The following DPP10 variants were observed in gnomAD, a reference collection of about 807,000 sequenced individuals.
DPP10 encodes the protein dipeptidyl peptidase like 10.
Under a neutral mutation model 120.9 loss-of-function variants are expected in DPP10, and 33 were observed. The observed-to-expected ratio is 0.27, with a 90% CI of 0.21 to 0.37. The LOEUF is 0.37. Among genes scored for constraint, DPP10 ranks in the 10% least tolerant of loss-of-function variants. The pLI, the probability that DPP10 is intolerant of heterozygous loss-of-function variation, is 1.00. For synonymous variants in DPP10, 337 were observed against 326.1 expected, an observed-to-expected ratio of 1.03 and a Z score of -0.36; for missense variants, 816 against 942.8, an observed-to-expected ratio of 0.87 and a Z score of 1.76.
At chr2:114,922,990 C>A (rs2420454) in intron 1 of DPP10, among the ~76,000 whole-genome samples, 148,849 of 152,212 alleles carry the variant, frequency 0.98, 72,867 homozygotes, top group East Asian at 1. Flanking sequence ...TGGCATCATT[C>A]ATGAGTATAT....
At chr2:114,925,312 T>G (rs1695541614) in intron 1 of DPP10, among the ~76,000 whole-genome samples, 2 of 151,882 alleles carry the variant, frequency 1.3e-5, no homozygotes, top group South Asian at 4.2e-4. Context: ...GTAATGATGA[T>G]GCTGTTGGTC....
intron 3 of DPP10, among the ~76,000 whole-genome samples, chr2:115,403,381 CTTTTTTTTTTTTTTTTTTT>C (rs78116780): frequency 1.0e-3 from 124 of 118,470 alleles, no homozygotes; most frequent in African/African-American, 4.1e-3. Context: ...TTCTTTCCTT[CTTTTTTTTTTTTTTTTTTT>C]TTTTTTTTTT....
At chr2:115,760,091 CAT>C (rs533494131) in intron 11 of DPP10, among the ~76,000 whole-genome samples, 37 of 151,642 alleles carry the variant, frequency 2.4e-4, no homozygotes, top group Admixed American at 9.2e-4. Flanking sequence ...GAAATGAAAA[CAT>C]GTGTTCACCA....
intron 1 of DPP10, among the ~76,000 whole-genome samples, chr2:115,265,098 A>G (rs200037807): frequency 6.6e-6 from 1 of 152,210 alleles, no homozygotes; most frequent in South Asian, 2.1e-4. Flanking sequence ...TTGAAACATA[A>G]CAGCCATTGT....
chr2:115,521,040 A>C (rs1285653483), intron 4 of DPP10, among the ~76,000 whole-genome samples: 1 of 152,242 alleles, frequency 6.6e-6, no homozygotes, highest in Non-Finnish European at 1.5e-5. Context: ...ACTTGAGCTA[A>C]GAAGGACAGG....
In DPP10 at chr2:115,670,937, G is replaced by A. The variant is rs76217779; in HGVS notation, c.442-18750G>A. Among the ~76,000 whole-genome samples, 1,340 of 152,096 alleles carry A rather than the reference G, an allele frequency of 8.8e-3. 18 individuals are homozygous for A. Among genetic ancestry groups the A allele is most frequent in the African/African-American group, 0.028 (1,164 of 41,514 alleles). ...GAGTCACATGAGTTTTCATGTTTTA[G>A]AGAAACTATTGGAAAAAAATTGTTA... On this transcript the variant is annotated intron_variant, in intron 5 of 25. Coordinates refer to ENST00000410059, the MANE Select transcript of DPP10 (RefSeq NM_020868.6).
chr2:115,699,094 A>G (rs1330556579), intron 7 of DPP10, among the ~76,000 whole-genome samples: 1 of 149,262 alleles, frequency 6.7e-6, no homozygotes, highest in African/African-American at 2.4e-5. Flanking sequence ...AAGTGGGGAT[A>G]TTATGACCGT....
At chr2:115,662,521 G>A (rs974135261) in intron 5 of DPP10, among the ~76,000 whole-genome samples, 1 of 151,560 alleles carries the variant, frequency 6.6e-6, no homozygotes, top group African/African-American at 2.4e-5. Context: ...AATAGCAAAC[G>A]GGTATATGAA....
chr2:114,963,974 G>A (rs909124572), intron 1 of DPP10, among the ~76,000 whole-genome samples: 2 of 152,178 alleles, frequency 1.3e-5, no homozygotes, highest in Admixed American at 6.5e-5. Context: ...CTTCCATGGG[G>A]ATAGAAGGAG....
At chr2:115,716,992 TG>T (rs1003573584) in intron 7 of DPP10, among the ~76,000 whole-genome samples, 26 of 152,374 alleles carry the variant, frequency 1.7e-4, no homozygotes, top group Non-Finnish European at 3.7e-4. Context: ...AATCCCCATT[TG>T]AAATACAAAG....
intron 1 of DPP10, among the ~76,000 whole-genome samples, chr2:114,665,891 C>G (rs1001563016): frequency 6.6e-6 from 1 of 152,098 alleles, no homozygotes; most frequent in African/African-American, 2.4e-5. Context: ...GCTCCAGTAG[C>G]CTGGAAAAAG....
chr2:115,357,544 C>G (rs1264924950), intron 3 of DPP10, among the ~76,000 whole-genome samples: 1 of 152,178 alleles, frequency 6.6e-6, no homozygotes, highest in Non-Finnish European at 1.5e-5. Context: ...CTTTCATGGG[C>G]TGGTGTTGTG....
chr2:115,595,355 ATAT>A lies in DPP10; in HGVS notation c.441+69389_441+69391del, dbSNP rs373233508. On this transcript the variant is annotated intron_variant, in intron 5 of 25. Transcript: ENST00000410059. ...AAACAAAATTTTACTTTTCAATAGC[ATAT>A]TATTAATGCTAAAGCTTATTTCAAT... is the stretch of plus-strand genomic sequence containing the variant. 4.2e-3 allele frequency among the ~76,000 whole-genome samples: 645 copies of A among 152,248 alleles called. 5 individuals carry two copies. Among genetic ancestry groups the A allele is most frequent in the African/African-American group, 0.015 (614 of 41,586 alleles).
chr2:114,897,124 T>C (rs1203862671), intron 1 of DPP10, among the ~76,000 whole-genome samples: 1 of 152,180 alleles, frequency 6.6e-6, no homozygotes, highest in Non-Finnish European at 1.5e-5. Context: ...GATGTGCTGC[T>C]GAATTCGGTT....
chr2:115,480,739 T>C (rs2075378687), intron 3 of DPP10, among the ~76,000 whole-genome samples: 2 of 152,132 alleles, frequency 1.3e-5, no homozygotes, highest in Non-Finnish European at 2.9e-5. Flanking sequence ...CTCATCTTTT[T>C]GAAGCAGAAA....
At chr2:115,163,208 G>C (rs960408553) in intron 1 of DPP10, among the ~76,000 whole-genome samples, 39 of 152,192 alleles carry the variant, frequency 2.6e-4, no homozygotes, top group Non-Finnish European at 2.2e-4. Context: ...GCACTGAAGA[G>C]CCTCTTAAGG....
intron 3 of DPP10, among the ~76,000 whole-genome samples, chr2:115,469,655 T>G (rs368634024): frequency 6.6e-6 from 1 of 152,164 alleles, no homozygotes; most frequent in African/African-American, 2.4e-5. Flanking sequence ...TCCGAGCACT[T>G]TGGGAGGCCA....
chr2:115,038,329 G>A (rs1704374115), intron 1 of DPP10, among the ~76,000 whole-genome samples: 1 of 151,790 alleles, frequency 6.6e-6, no homozygotes, highest in Admixed American at 6.6e-5. Flanking sequence ...GGAGTGCAGT[G>A]GCGCCATCTT....
At chr2:114,738,447 A>G (rs1574075051) in intron 1 of DPP10, among the ~76,000 whole-genome samples, 1 of 152,264 alleles carries the variant, frequency 6.6e-6, no homozygotes, top group Non-Finnish European at 1.5e-5. Flanking sequence ...TGATTGCTTC[A>G]GTGACTTAAT....
Sources: gnomAD v4.1 joint callset for allele counts (sites outside exome capture counted in the v4.1 genomes callset) on GRCh38, gnomAD v4.1.1 for gene constraint, MANE v1.5 for transcripts, NCBI Gene and HGNC (gene_info 2026-07-23, HGNC 2026-07-21) for gene names.